The following TRPA1 variants were observed in gnomAD, a reference collection of about 807,000 sequenced individuals.
The protein encoded by TRPA1 is ankyrin-like with transmembrane domains 1.
TRPA1 carries 129 observed loss-of-function variants against 131.3 expected under a neutral mutation model. The ratio of observed to expected loss-of-function variants is 0.98; its 90% CI spans 0.85 to 1.14. The LOEUF (loss-of-function observed/expected upper bound fraction) is 1.14. Ranked by LOEUF, TRPA1 falls within the 50% of genes most tolerant of loss-of-function variation. TRPA1 has a pLI of 0.00. For synonymous variants in TRPA1, 441 were observed against 451.7 expected (o/e 0.98, Z 0.30); for missense variants, 1,304 against 1,354.2 (o/e 0.96, Z 0.58).
chr8:72,043,002 C>T (rs578019870), intron 17 of TRPA1, among the ~76,000 whole-genome samples: 2 of 151,954 alleles, frequency 1.3e-5, no homozygotes, highest in Admixed American at 1.3e-4. Context: ...TGTGAAAATA[C>T]TTGACACTAC....
chr8:72,079,712 G>T (rs1806254109), upstream of TRPA1, among the ~76,000 whole-genome samples: 1 of 151,814 alleles, frequency 6.6e-6, no homozygotes, highest in African/African-American at 2.4e-5. Context: ...ATTGTTTCTG[G>T]GTATGCCTGT....
the TRPA1 span, among the ~76,000 whole-genome samples, chr8:72,088,350 A>T: frequency 4.1e-5 from 4 of 96,502 alleles, no homozygotes; most frequent in South Asian, 7.4e-4. Context: ...TTTTGGATTT[A>T]CTTTTTCTTT....
At chr8:72,052,001 A>G (rs2129435136) in intron 14 of TRPA1, among the ~76,000 whole-genome samples, 1 of 152,384 alleles carries the variant, frequency 6.6e-6, no homozygotes, top group East Asian at 1.9e-4. Context: ...CTGAAGGAGT[A>G]TAATTGGATT....
chr8:72,048,439 A>G (rs991887269), intron 15 of TRPA1, among the ~76,000 whole-genome samples: 2 of 152,128 alleles, frequency 1.3e-5, no homozygotes, highest in Admixed American at 1.3e-4. Flanking sequence ...TAAGAAAATT[A>G]CAAGGAAGTC....
intron 23 of TRPA1, among the ~76,000 whole-genome samples, chr8:72,031,594 C>CAAA (rs59300122): frequency 2.8e-5 from 4 of 144,790 alleles, no homozygotes; most frequent in African/African-American, 1.0e-4. Flanking sequence ...AACAAAAAAA[C>CAAA]AAAAAAAAAA....
chr8:72,057,567 CTGTT>C (rs1805700236), intron 9 of TRPA1, 146 bp downstream of exon 9: 1 of 712,426 alleles, frequency 1.4e-6, no homozygotes, highest in Non-Finnish European at 2.6e-6. Context: ...GAAAACTGTT[CTGTT>C]TATTTTTAAA....
At chr8:72,031,687 ACAT>A (rs1216419845) in intron 23 of TRPA1, among the ~76,000 whole-genome samples, 1 of 152,348 alleles carries the variant, frequency 6.6e-6, no homozygotes, top group Non-Finnish European at 1.5e-5. Context: ...TATTTTAGAT[ACAT>A]TTTTGGGCTC....
At chr8:72,026,985 A>G (rs1811632942) in intron 24 of TRPA1, among the ~76,000 whole-genome samples, 1 of 152,016 alleles carries the variant, frequency 6.6e-6, no homozygotes, top group East Asian at 1.9e-4. Context: ...ACTTATCACC[A>G]TTTAACATAC....
chr8:72,034,690 G>C (rs1251720661), intron 21 of TRPA1, among the ~76,000 whole-genome samples: 1 of 152,102 alleles, frequency 6.6e-6, no homozygotes, highest in Non-Finnish European at 1.5e-5. Flanking sequence ...GACGTCCCAG[G>C]CTCAGGTGAT....
rs57129422 is a variant in TRPA1, at chr8:72,052,965, CTGTGTG to C, written c.1645-206_1645-201del. On this transcript the variant is annotated intron_variant, in intron 13 of 26. Coordinates refer to ENST00000262209, the MANE Select transcript of TRPA1 (RefSeq NM_007332.3). ...GTGTGTGCATGTGTGGGAAGTGGAT[CTGTGTG>C]TGTGTGTGTGTGTGTGTGTGTGTGA... 5.3e-3 allele frequency: 1,699 copies of C among 322,264 alleles called. 20 individuals carry two copies. Among genetic ancestry groups the C allele is most frequent in the African/African-American group, 0.024 (926 of 39,334 alleles). 20.0% of individuals were successfully genotyped at this position (322,264 alleles called of 1,614,324 possible).
chr8:72,052,024 A>T (rs1805520649), intron 14 of TRPA1, among the ~76,000 whole-genome samples: 1 of 152,262 alleles, frequency 6.6e-6, no homozygotes, highest in Non-Finnish European at 1.5e-5. Flanking sequence ...TTGTAACACA[A>T]ATGATAAATG....
intron 23 of TRPA1, among the ~76,000 whole-genome samples, chr8:72,030,792 C>T (rs949337922): frequency 1.3e-5 from 2 of 150,574 alleles, no homozygotes; most frequent in African/African-American, 4.9e-5. Flanking sequence ...AGAAGGAAAA[C>T]ATATACTATA....
chr8:72,075,226 C>A lies in TRPA1; in HGVS notation c.111+73G>T, dbSNP rs557246292. On this transcript the variant is annotated intron_variant, in intron 1 of 26. Transcript: ENST00000262209. ...CACGCTTTCTCCAAACCAAGGGCTGCCCCCAAGGAAACCTCCAGCCGACCC... is the reference window on the plus strand; with the variant it reads ...CACGCTTTCTCCAAACCAAGGGCTGACCCCAAGGAAACCTCCAGCCGACCC... 456 of 1,169,508 alleles carry A rather than the reference C, an allele frequency of 3.9e-4. 7 individuals carry two copies. The highest frequency in any genetic ancestry group is 3.5e-3 in the South Asian group (287 of 82,356). The allele number at this position is 1,169,508 out of a possible 1,614,324, so 72.4% of individuals were successfully genotyped here.
At chr8:72,044,470 T>A (rs1812359001) in intron 17 of TRPA1, among the ~76,000 whole-genome samples, 1 of 152,018 alleles carries the variant, frequency 6.6e-6, no homozygotes, top group East Asian at 1.9e-4. Context: ...GTAACTCTGC[T>A]TTTAAACTAA....
At position 72,046,553 on chromosome 8, in the gene TRPA1, G is replaced by T; in HGVS notation, c.2021C>A (p.Pro674His). 1.2e-6 allele frequency: 2 copies of T among 1,600,732 alleles called. No homozygotes were observed. The highest frequency in any genetic ancestry group is 1.7e-6 in the Non-Finnish European group (2 of 1,170,516). Residue 674 changes from proline to histidine, a missense_variant, in exon 17 of 27, where the codon CCT becomes CAT. Transcript: ENST00000262209. ...CGGTTCATATATAACATCCTGTGTAGGTGTTTTTTTGGTGAATTCTAATGG... is the reference window on the plus strand; with the variant it reads ...CGGTTCATATATAACATCCTGTGTATGTGTTTTTTTGGTGAATTCTAATGG... The part of the protein sequence containing the change: ...QCPLEFTKKT[P>H]TQDVIYEPLT...
the TRPA1 span, among the ~76,000 whole-genome samples, chr8:72,088,609 G>A: frequency 6.6e-6 from 1 of 152,150 alleles, no homozygotes; most frequent in East Asian, 1.9e-4. Flanking sequence ...AATGTTCATT[G>A]AGAGTCTACT....
In TRPA1 at chr8:72,025,963, T is replaced by C; in HGVS notation, c.3048A>G (p.Leu1016=). ...YPNKPRSGGM[L]FHIFCFLFCT... ...GTTATTTGTTATGTGTACTTACGAA[T>C]AACATCCCACCAGATCTGGGTTTGT... The change falls in exon 25 of 27, where the codon TTA becomes TTG. Residue 1016 remains leucine, a synonymous_variant. Coordinates refer to ENST00000262209, the MANE Select transcript of TRPA1 (RefSeq NM_007332.3). The C allele has an allele frequency of 6.2e-7, 1 of 1,612,726 alleles. No individual in the cohort carries two copies. Among genetic ancestry groups the C allele is most frequent in the Non-Finnish European group, 8.5e-7 (1 of 1,178,866 alleles).
intron 1 of TRPA1, among the ~76,000 whole-genome samples, chr8:72,073,151 C>T (rs1357115180): frequency 6.6e-6 from 1 of 152,100 alleles, no homozygotes; most frequent in African/African-American, 2.4e-5. Context: ...TCTAACTAAA[C>T]CCTTTAAAAC....
chr8:72,089,654 A>G, the TRPA1 span, among the ~76,000 whole-genome samples: 1 of 152,232 alleles, frequency 6.6e-6, no homozygotes, highest in East Asian at 1.9e-4. Context: ...CAAGCTTCTC[A>G]GTGAATTCTA....
Sources: allele counts gnomAD v4.1 joint callset (sites outside exome capture counted in the v4.1 genomes callset), GRCh38; gene constraint gnomAD v4.1.1; transcripts MANE v1.5; gene names NCBI Gene and HGNC (gene_info 2026-07-23, HGNC 2026-07-21).